Variants in ROBO2 observed in about 807,000 individuals in gnomAD.
ROBO2 encodes the protein roundabout homolog 2.
ROBO2 carries 53 observed loss-of-function variants against 160.8 expected under a neutral mutation model. The ratio of observed to expected loss-of-function variants is 0.33; its 90% CI spans 0.26 to 0.41. ROBO2 has a LOEUF of 0.41. Among genes scored for constraint, ROBO2 ranks in the 10% least tolerant of loss-of-function variants. The probability of loss-of-function intolerance (pLI) is 1.00; values close to 1 mark genes in which losing one functional copy is unlikely to be tolerated. For missense variants in ROBO2, 1,577 were observed against 1,722.4 expected (o/e 0.92, Z 1.49); for synonymous variants, 664 against 611.7 (o/e 1.09, Z -1.26).
intron 2 of ROBO2, among the ~76,000 whole-genome samples, chr3:76,276,870 A>G (rs1707955504): frequency 6.6e-6 from 1 of 151,930 alleles, no homozygotes; most frequent in Non-Finnish European, 1.5e-5. Context: ...AATATTTCGG[A>G]TATTTTTGGA....
At chr3:76,004,751 A>G (rs1576448985) in intron 2 of ROBO2, among the ~76,000 whole-genome samples, 1 of 152,364 alleles carries the variant, frequency 6.6e-6, no homozygotes, top group East Asian at 1.9e-4. Context: ...TCAGGAGAAT[A>G]TAAAAATTGA....
At chr3:76,000,611 C>T (rs966809061) in intron 2 of ROBO2, among the ~76,000 whole-genome samples, 3 of 151,744 alleles carry the variant, frequency 2.0e-5, no homozygotes, top group African/African-American at 4.8e-5. Flanking sequence ...GCCTCAGCCT[C>T]CCGAGTAGCT....
chr3:76,461,598 T>G (rs558945151), intron 2 of ROBO2, among the ~76,000 whole-genome samples: 14 of 152,324 alleles, frequency 9.2e-5, no homozygotes, highest in African/African-American at 3.4e-4. Flanking sequence ...GAAGGAATTC[T>G]TAAGCAAGAT....
At chr3:76,436,633 T>C (rs2109069586) in intron 2 of ROBO2, among the ~76,000 whole-genome samples, 1 of 152,148 alleles carries the variant, frequency 6.6e-6, no homozygotes, top group East Asian at 1.9e-4. Flanking sequence ...AACCTTGATG[T>C]GCTTAAAGTT....
At chr3:77,090,031 A>C (rs1233522966) in intron 1 of ROBO2, among the ~76,000 whole-genome samples, 1 of 152,154 alleles carries the variant, frequency 6.6e-6, no homozygotes, top group Admixed American at 6.5e-5. Flanking sequence ...TTTTTGACTA[A>C]CGATAAATAG....
intron 2 of ROBO2, among the ~76,000 whole-genome samples, chr3:77,295,807 A>G (rs1268166299): frequency 1.3e-5 from 2 of 150,664 alleles, no homozygotes; most frequent in Non-Finnish European, 3.0e-5. Context: ...AGCTGAGGCT[A>G]GAGCACTAAA....
At chr3:77,139,699 C>T (rs1019221193) in intron 2 of ROBO2, among the ~76,000 whole-genome samples, 11 of 152,232 alleles carry the variant, frequency 7.2e-5, no homozygotes, top group Admixed American at 2.6e-4. Context: ...TCTAATAAAA[C>T]GTTTTGTTCA....
At chr3:76,655,459 T>TATATATATATATATATA (rs1382812450) in intron 2 of ROBO2, among the ~76,000 whole-genome samples, 25 of 133,248 alleles carry the variant, frequency 1.9e-4, no homozygotes, top group Middle Eastern at 4.1e-3. Context: ...TATATATGGA[T>TATATATATATATATATA]TTTTTTCCCT....
At chr3:77,211,594 C>T (rs1338721780) in intron 2 of ROBO2, among the ~76,000 whole-genome samples, 3 of 152,154 alleles carry the variant, frequency 2.0e-5, no homozygotes, top group African/African-American at 7.2e-5. Context: ...TCCCATTTGT[C>T]AATTTTGGCT....
At position 77,481,110 on chromosome 3, in the gene ROBO2, A is replaced by G. The variant is rs886058876; in HGVS notation, c.558A>G (p.Gly186=). The G allele has an allele frequency of 6.2e-7, 1 of 1,612,408 alleles. No homozygotes were observed. The change falls in exon 4 of 26, where the codon GGA becomes GGG. Residue 186 remains glycine (G), a synonymous_variant. Coordinates refer to ENST00000461745, the Ensembl canonical transcript of ROBO2. ...TTTGATTTTAACAGATCCGTGGTGG[A>G]AAACTGATGATCTCCAATACCAGGA...
chr3:77,178,270 C>T (rs192188041), intron 2 of ROBO2, among the ~76,000 whole-genome samples: 25 of 152,112 alleles, frequency 1.6e-4, no homozygotes, highest in Non-Finnish European at 2.6e-4. Flanking sequence ...CTCCATTGAT[C>T]GTTTTGCCCT....
chr3:76,558,193 A>T (rs1449610115), intron 2 of ROBO2, among the ~76,000 whole-genome samples: 2 of 152,214 alleles, frequency 1.3e-5, no homozygotes, highest in East Asian at 3.9e-4. Context: ...TCCCGTGTGA[A>T]CTGAAAATGA....
At chr3:77,288,459 T>A (rs1028864889) in intron 2 of ROBO2, among the ~76,000 whole-genome samples, 15 of 152,196 alleles carry the variant, frequency 9.9e-5, no homozygotes, top group Non-Finnish European at 2.2e-4. Flanking sequence ...AATCTTCATA[T>A]GGATTTTGTG....
chr3:77,555,662 T>C (rs988837675), intron 8 of ROBO2, among the ~76,000 whole-genome samples: 1 of 151,916 alleles, frequency 6.6e-6, no homozygotes, highest in Non-Finnish European at 1.5e-5. Context: ...TTAAAAAGAC[T>C]GGGGAGATAA....
intron 2 of ROBO2, among the ~76,000 whole-genome samples, chr3:77,412,224 A>C (rs1383866712): frequency 1.3e-5 from 2 of 152,190 alleles, no homozygotes; most frequent in African/African-American, 4.8e-5. Context: ...CATCCCTGAC[A>C]AAAGGACAAA....
At chr3:76,124,715 C>G (rs2070897693) in intron 2 of ROBO2, among the ~76,000 whole-genome samples, 1 of 151,860 alleles carries the variant, frequency 6.6e-6, no homozygotes, top group African/African-American at 2.4e-5. Context: ...TCAAATTAAT[C>G]TAGAAAAATG....
At chr3:77,526,561 G>A (rs540643176) in intron 6 of ROBO2, among the ~76,000 whole-genome samples, 15 of 151,556 alleles carry the variant, frequency 9.9e-5, no homozygotes, top group East Asian at 1.9e-4. Context: ...ATGGTTTACC[G>A]TCTAAATTGA....
intron 2 of ROBO2, among the ~76,000 whole-genome samples, chr3:76,055,649 ACATTGCTG>A (rs1316863782): frequency 6.6e-6 from 1 of 152,236 alleles, no homozygotes; most frequent in Non-Finnish European, 1.5e-5. Context: ...AGCTCCATCC[ACATTGCTG>A]CAAAGGGCAT....
At chr3:76,948,471 G>T (rs953949055) in intron 2 of ROBO2, among the ~76,000 whole-genome samples, 6 of 150,304 alleles carry the variant, frequency 4.0e-5, no homozygotes, top group African/African-American at 1.5e-4. Context: ...TTGTCTTTCT[G>T]TGCTACATTG....
Sources: gnomAD v4.1 joint callset for allele counts (sites outside exome capture counted in the v4.1 genomes callset) on GRCh38, gnomAD v4.1.1 for gene constraint, MANE v1.5 for transcripts, NCBI Gene and HGNC (gene_info 2026-07-23, HGNC 2026-07-21) for gene names.